The following BAZ1B variants were observed in gnomAD, a reference collection of about 807,000 sequenced individuals.
The protein encoded by BAZ1B is tyrosine-protein kinase BAZ1B.
BAZ1B carries 22 observed loss-of-function variants against 153.8 expected under a neutral mutation model. The observed-to-expected ratio is 0.14, with a 90% CI of 0.10 to 0.20. The LOEUF (loss-of-function observed/expected upper bound fraction) is 0.20, where lower values mean the gene tolerates loss of function less well. BAZ1B is among the 10% of genes least tolerant of loss of function. The pLI, the probability that BAZ1B is intolerant of heterozygous loss-of-function variation, is 1.00. For synonymous variants in BAZ1B, 676 were observed against 633.4 expected, an observed-to-expected ratio of 1.07 and a Z score of -1.01; for missense variants, 1,325 against 1,799.3, an observed-to-expected ratio of 0.74 and a Z score of 4.77.
intron 6 of BAZ1B, among the ~76,000 whole-genome samples, chr7:73,482,079 T>A (rs62465147): frequency 0.049 from 7,431 of 152,202 alleles, 209 homozygotes; most frequent in Non-Finnish European, 0.066. Flanking sequence ...TGGAATGTGT[T>A]GTTCCCCAAT....
At chr7:73,462,786 C>T in intron 12 of BAZ1B, 136 bp downstream of exon 12, 1 of 962,566 alleles carries the variant, frequency 1.0e-6, no homozygotes, top group East Asian at 2.4e-5. Flanking sequence ...TTTTTGGTTC[C>T]ATACATGTCT....
intron 6 of BAZ1B, among the ~76,000 whole-genome samples, chr7:73,485,540 T>TG (rs1197758469): frequency 6.6e-6 from 1 of 151,064 alleles, no homozygotes; most frequent in Non-Finnish European, 1.5e-5. Flanking sequence ...GTGGGAGGAC[T>TG]GCTTGAGCCA....
chr7:73,491,199 T>C (rs569644650), intron 5 of BAZ1B, among the ~76,000 whole-genome samples: 1 of 151,920 alleles, frequency 6.6e-6, no homozygotes, highest in Admixed American at 6.5e-5. Flanking sequence ...GGCAGGAGAA[T>C]CGCTTGAATC....
intron 9 of BAZ1B, 150 bp from the exon 10 acceptor site, chr7:73,466,551 T>C: frequency 1.8e-6 from 1 of 570,848 alleles, no homozygotes; most frequent in Non-Finnish European, 3.1e-6. Flanking sequence ...GTATAAAAGA[T>C]GCTAATTTCT....
rs782519319 is a variant in BAZ1B, at chr7:73,442,763, G to C, written c.4056C>G (p.Leu1352=). 6.2e-6 allele frequency: 10 copies of C among 1,614,108 alleles called. No homozygotes were observed. The highest frequency in any genetic ancestry group is 2.5e-6 in the Non-Finnish European group (3 of 1,180,038). Residue 1352 remains leucine, a synonymous_variant, in exon 18 of 20, where the codon CTC becomes CTG. Transcript: ENST00000339594. ...TGAAGCGGTACTTCACGATCTTGTG[G>C]AGGATCTCTTCACACTTCTGCAGCT... is the stretch of plus-strand genomic sequence containing the variant. ...SLELQKCEEI[L]HKIVKYRFSW... is the part of the protein sequence containing the mutation.
At chr7:73,506,326 G>A (rs868977280) in intron 3 of BAZ1B, among the ~76,000 whole-genome samples, 2 of 151,746 alleles carry the variant, frequency 1.3e-5, no homozygotes, top group African/African-American at 2.4e-5. Flanking sequence ...GTGAAACCCC[G>A]TCTCTATTAA....
intron 1 of BAZ1B, among the ~76,000 whole-genome samples, chr7:73,515,527 GTTCC>G (rs1452637354): frequency 7.8e-6 from 1 of 127,828 alleles, no homozygotes; most frequent in Non-Finnish European, 1.6e-5. Flanking sequence ...CTCCAGCCTT[GTTCC>G]TTTTTTTTTT....
At chr7:73,494,659 G>A (rs902880581) in intron 4 of BAZ1B, among the ~76,000 whole-genome samples, 4 of 152,054 alleles carry the variant, frequency 2.6e-5, no homozygotes, top group Non-Finnish European at 4.4e-5. Flanking sequence ...TGAGGCAGGA[G>A]GATCACTTGA....
chr7:73,466,844 A>G (rs534393534), intron 9 of BAZ1B, among the ~76,000 whole-genome samples: 12 of 152,234 alleles, frequency 7.9e-5, no homozygotes, highest in Non-Finnish European at 1.5e-4. Flanking sequence ...CAGTTCCTAT[A>G]TACTGATACG....
rs781783517 is a variant in BAZ1B, at chr7:73,450,923, C to A, written c.3504G>T (p.Leu1168=). ...TGATACAGGCATCAAGCATCCCAAG[C>A]AGCACGTGCATCCTGGAGAAAGTCT... ...EAQTFSRMHV[L]LGMLDACIKW... is the part of the protein sequence containing the mutation. The change falls in exon 14 of 20, where the codon CTG becomes CTT. Residue 1168 remains leucine, a synonymous_variant. Coordinates refer to ENST00000339594, the MANE Select transcript of BAZ1B (RefSeq NM_032408.4). The surrounding 1 kb of genome is among the most constrained non-coding windows in gnomAD (Gnocchi z 4.1). The A allele has an allele frequency of 6.2e-7, 1 of 1,614,046 alleles. No homozygotes were observed. Among genetic ancestry groups the A allele is most frequent in the African/African-American group, 1.3e-5 (1 of 74,902 alleles).
chr7:73,513,636 G>A (rs531375947), intron 1 of BAZ1B, among the ~76,000 whole-genome samples: 1 of 152,166 alleles, frequency 6.6e-6, no homozygotes, highest in East Asian at 1.9e-4. Context: ...AACTAGGGGA[G>A]TGGAAGGGAT....
intron 4 of BAZ1B, among the ~76,000 whole-genome samples, chr7:73,496,521 T>C (rs753348994): frequency 1.3e-5 from 2 of 152,200 alleles, no homozygotes; most frequent in African/African-American, 2.4e-5. Context: ...CTAATACTCA[T>C]GCGGAGGGAG....
At chr7:73,454,072 G>A (rs1788109157) in intron 13 of BAZ1B, among the ~76,000 whole-genome samples, 3 of 152,092 alleles carry the variant, frequency 2.0e-5, no homozygotes, top group Admixed American at 2.0e-4. Context: ...GCCAAGATGG[G>A]AGGAGCACTG....
At chr7:73,478,878 T>C (rs1379640218) in intron 6 of BAZ1B, among the ~76,000 whole-genome samples, 2 of 152,282 alleles carry the variant, frequency 1.3e-5, no homozygotes, top group South Asian at 2.1e-4. Context: ...CCAGCAGAAA[T>C]AGTAGACAAA....
At chr7:73,472,648 C>T (rs1230073065) in intron 7 of BAZ1B, among the ~76,000 whole-genome samples, 1 of 152,248 alleles carries the variant, frequency 6.6e-6, no homozygotes, top group Non-Finnish European at 1.5e-5. Context: ...ATGATCTCGG[C>T]TCACTGCAAC....
At chr7:73,518,844 T>G (rs1554579732) in intron 1 of BAZ1B, among the ~76,000 whole-genome samples, 1 of 152,252 alleles carries the variant, frequency 6.6e-6, no homozygotes, top group African/African-American at 2.4e-5. Context: ...GAACTAGTTA[T>G]TTCTAAGCTT....
chr7:73,481,053 A>G (rs1789178560), intron 6 of BAZ1B, among the ~76,000 whole-genome samples: 1 of 151,938 alleles, frequency 6.6e-6, no homozygotes, highest in Admixed American at 6.6e-5. Context: ...CAGCCTCCCA[A>G]GTATCTGTGA....
chr7:73,510,684 C>A (rs1790543180), intron 2 of BAZ1B, 52 bp downstream of exon 2: 1 of 1,523,766 alleles, frequency 6.6e-7, no homozygotes. Context: ...ATATTCCCTC[C>A]TTTCCTAACA....
chr7:73,488,827 T>C lies in BAZ1B; in HGVS notation c.891+367A>G, dbSNP rs531560571. 8.5e-5 allele frequency among the ~76,000 whole-genome samples: 13 copies of C among 152,222 alleles called. No individual in the cohort carries two copies. In the East Asian group the frequency reaches 1.2e-3, roughly 14 times the overall value. On this transcript the variant is annotated intron_variant, in intron 6 of 19. Coordinates refer to ENST00000339594, the MANE Select transcript of BAZ1B (RefSeq NM_032408.4). ...TCCAGGTTCTTTTCAAGGCTGCCAC[T>C]GTATGTGATCATCTTGTCCGACATG...
Sources: gnomAD v4.1 joint callset for allele counts (sites outside exome capture counted in the v4.1 genomes callset) on GRCh38, gnomAD v4.1.1 for gene constraint, Gnocchi (gnomAD v3.1) non-coding constraint, MANE v1.5 for transcripts, NCBI Gene and HGNC (gene_info 2026-07-23, HGNC 2026-07-21) for gene names.